The following BTBD7 variants were observed in gnomAD, a reference collection of about 807,000 sequenced individuals.
BTBD7 encodes BTB domain containing 7.
BTBD7 carries 38 observed loss-of-function variants against 99.9 expected under a neutral mutation model. The observed-to-expected ratio is 0.38, with a 90% CI of 0.29 to 0.50. BTBD7 has a LOEUF of 0.50. Ranked by LOEUF, BTBD7 falls within the 20% of genes least tolerant of loss-of-function variation. The pLI, the probability that BTBD7 is intolerant of heterozygous loss-of-function variation, is 0.93. For missense variants in BTBD7, 1,170 were observed against 1,394.6 expected (o/e 0.84, Z 2.57); for synonymous variants, 520 against 511.4 (o/e 1.02, Z -0.23).
chr14:93,266,602 C>A (rs1454415085), intron 3 of BTBD7, among the ~76,000 whole-genome samples: 3 of 151,992 alleles, frequency 2.0e-5, no homozygotes, highest in Admixed American at 2.0e-4. Context: ...TTTCCATCCT[C>A]TTCTCCCATT....
intron 1 of BTBD7, among the ~76,000 whole-genome samples, chr14:93,322,780 T>G (rs892306740): frequency 6.6e-6 from 1 of 152,240 alleles, no homozygotes; most frequent in African/African-American, 2.4e-5. Context: ...GTATCATATA[T>G]TTTTAAAGGT....
chr14:93,245,572 G>A (rs1269404576), intron 10 of BTBD7, among the ~76,000 whole-genome samples: 1 of 152,094 alleles, frequency 6.6e-6, no homozygotes, highest in Admixed American at 6.5e-5. Context: ...TCCTAATCCT[G>A]CCAAATGAAC....
chr14:93,317,365 T>C (rs911218433), intron 1 of BTBD7, among the ~76,000 whole-genome samples: 2 of 61,070 alleles, frequency 3.3e-5, no homozygotes, highest in Non-Finnish European at 6.2e-5. Flanking sequence ...TGTTGATACT[T>C]TTTTTTTTTT....
At chr14:93,295,600 T>C (rs192390736) in intron 2 of BTBD7, among the ~76,000 whole-genome samples, 1 of 152,354 alleles carries the variant, frequency 6.6e-6, no homozygotes, top group East Asian at 1.9e-4. Context: ...ACATTACTTG[T>C]ATATAATTGT....
intron 10 of BTBD7, chr14:93,244,259 A>C (rs1337625254): frequency 3.4e-6 from 1 of 296,542 alleles, no homozygotes; most frequent in Non-Finnish European, 6.7e-6. Context: ...CTGGCTATTA[A>C]GAGATGCAAG....
At chr14:93,262,512 C>T (rs1424474119) in intron 4 of BTBD7, among the ~76,000 whole-genome samples, 1 of 152,086 alleles carries the variant, frequency 6.6e-6, no homozygotes, top group African/African-American at 2.4e-5. Context: ...TTTTATCTTA[C>T]TATGTGGTTT....
intron 3 of BTBD7, among the ~76,000 whole-genome samples, chr14:93,292,764 T>G (rs2052873874): frequency 1.3e-5 from 2 of 152,274 alleles, no homozygotes; most frequent in Admixed American, 1.3e-4. Flanking sequence ...TCAAGCGGTC[T>G]TCCTGCCTCA....
intron 7 of BTBD7, 127 bp downstream of exon 7, chr14:93,253,520 T>TA: frequency 1.2e-6 from 1 of 815,580 alleles, no homozygotes; most frequent in Non-Finnish European, 1.7e-6. Context: ...AACTAGAACT[T>TA]ACTTTCATTT....
chr14:93,244,525 T>C (rs535038490), intron 10 of BTBD7, among the ~76,000 whole-genome samples: 7 of 152,266 alleles, frequency 4.6e-5, no homozygotes, highest in African/African-American at 1.7e-4. Flanking sequence ...GGTGCGTGCC[T>C]GTAATCCCAG....
At chr14:93,305,791 T>C (rs890203997) in intron 1 of BTBD7, among the ~76,000 whole-genome samples, 5 of 152,306 alleles carry the variant, frequency 3.3e-5, no homozygotes, top group Non-Finnish European at 5.9e-5. Context: ...ATCTATTTCT[T>C]ACAGTTCTGG....
At chr14:93,309,181 T>A (rs963078983) in intron 1 of BTBD7, among the ~76,000 whole-genome samples, 2 of 152,158 alleles carry the variant, frequency 1.3e-5, no homozygotes, top group Non-Finnish European at 2.9e-5. Context: ...GGCTTTTTCA[T>A]GTGTTAAGTC....
chr14:93,311,086 T>C (rs1468215975), intron 1 of BTBD7, among the ~76,000 whole-genome samples: 1 of 152,202 alleles, frequency 6.6e-6, no homozygotes, highest in Non-Finnish European at 1.5e-5. Context: ...TCAAAACAAT[T>C]AGTAATAGCT....
intron 7 of BTBD7, 64 bp from the exon 8 acceptor site, chr14:93,251,716 G>A (rs1236476548): frequency 1.3e-5 from 17 of 1,302,258 alleles, no homozygotes; most frequent in Non-Finnish European, 1.8e-5. Context: ...ACATTTGAAG[G>A]AAGACTATTA....
rs865808009 is a variant in BTBD7, at chr14:93,309,411, A to G, written c.-106-13254T>C. ...GGCAAAACTCCTCTGTCTCCAAGAAAAAAAAAAAAAAAAGAGTAAAATGGC... is the reference window on the plus strand; with the variant it reads ...GGCAAAACTCCTCTGTCTCCAAGAAGAAAAAAAAAAAAAGAGTAAAATGGC... On this transcript the variant is annotated intron_variant, in intron 1 of 10. Coordinates refer to ENST00000334746, the MANE Select transcript of BTBD7 (RefSeq NM_001002860.4). Among the ~76,000 whole-genome samples, 637 of 141,958 alleles carry G rather than the reference A, an allele frequency of 4.5e-3. 5 individuals are homozygous for G. The highest frequency in any genetic ancestry group is 0.015 in the African/African-American group (608 of 39,838). 93.1% of individuals were successfully genotyped at this position (141,958 alleles called of 152,430 possible). A position where few individuals can be genotyped will look rare whatever the true frequency, so the allele number is the denominator to read the frequency against.
chr14:93,270,457 C>A (rs2052589652), intron 3 of BTBD7, among the ~76,000 whole-genome samples: 1 of 152,052 alleles, frequency 6.6e-6, no homozygotes, highest in African/African-American at 2.4e-5. Context: ...CTTTAAGAGG[C>A]TGAGGCAGGT....
At chr14:93,266,461 G>A (rs2052544847) in intron 3 of BTBD7, among the ~76,000 whole-genome samples, 1 of 151,706 alleles carries the variant, frequency 6.6e-6, no homozygotes, top group Admixed American at 6.6e-5. Flanking sequence ...AGAGACATGA[G>A]AGCTGTCTTT....
chr14:93,294,098 T>C lies in BTBD7; in HGVS notation c.922A>G (p.Arg308Gly). ...TGEEITDRTLRTPTRIILDES... is the reference protein window; with the variant it reads ...TGEEITDRTLGTPTRIILDES... ...TCTAATATAATTCTTGTGGGAGTCC[T>C]CAAAGTTCGGTCTGTGATTTCTTCA... Residue 308 changes from arginine (R) to glycine (G), a missense_variant, in exon 3 of 11, where the codon AGG becomes GGG. By Grantham distance (125) the Arg-to-Gly change is moderately radical. Transcript: ENST00000334746. 1 of 1,614,154 alleles carries C rather than the reference T, an allele frequency of 6.2e-7. No homozygotes were observed. Among genetic ancestry groups the C allele is most frequent in the Non-Finnish European group, 8.5e-7 (1 of 1,180,012 alleles).
chr14:93,270,577 C>T (rs911204298), intron 3 of BTBD7, among the ~76,000 whole-genome samples: 1 of 151,934 alleles, frequency 6.6e-6, no homozygotes, highest in African/African-American at 2.4e-5. Context: ...TCTGTAGAGT[C>T]CCAGCTACTC....
At chr14:93,283,637 C>T (rs552581074) in intron 3 of BTBD7, among the ~76,000 whole-genome samples, 13 of 152,248 alleles carry the variant, frequency 8.5e-5, no homozygotes, top group Admixed American at 3.9e-4. Flanking sequence ...CTGTAATCTC[C>T]GCCTCCCTGG....
Sources: gnomAD v4.1 joint callset for allele counts (sites outside exome capture counted in the v4.1 genomes callset) on GRCh38, gnomAD v4.1.1 for gene constraint, MANE v1.5 for transcripts, NCBI Gene and HGNC (gene_info 2026-07-23, HGNC 2026-07-21) for gene names.